Variants in CNTNAP5 observed in about 807,000 individuals in gnomAD.
The protein encoded by CNTNAP5 is contactin-associated protein-like 5.
In CNTNAP5, 72 loss-of-function variants were observed where a neutral mutation model predicts 150.2. The ratio of observed to expected loss-of-function variants is 0.48; its 90% CI spans 0.40 to 0.58. The LOEUF is 0.58. Ranked by LOEUF, CNTNAP5 falls within the 20% of genes least tolerant of loss-of-function variation. CNTNAP5 has a pLI of 0.00. For synonymous variants in CNTNAP5, 672 were observed against 619.8 expected, an observed-to-expected ratio of 1.08 and a Z score of -1.25; for missense variants, 1,636 against 1,626.2, an observed-to-expected ratio of 1.01 and a Z score of -0.10.
chr2:124,656,996 A>G (rs1678473536), intron 13 of CNTNAP5, among the ~76,000 whole-genome samples: 1 of 152,244 alleles, frequency 6.6e-6, no homozygotes, highest in Non-Finnish European at 1.5e-5. Flanking sequence ...TTAATGAGAC[A>G]GATGCCATGT....
In CNTNAP5 at chr2:124,739,896, C is replaced by T. The variant is rs368348837; in HGVS notation, c.2078-7333C>T. On this transcript the variant is annotated intron_variant, in intron 13 of 23. Coordinates refer to ENST00000682447, the MANE Select transcript of CNTNAP5 (RefSeq NM_001367498.1). Reference sequence around the variant, plus strand: ...TTTGGCACTGATCTCACTCTGACTTCCATTACTCTTAGCTGTGTGCGGGAC... The same window carrying T: ...TTTGGCACTGATCTCACTCTGACTTTCATTACTCTTAGCTGTGTGCGGGAC... 5.2e-3 allele frequency among the ~76,000 whole-genome samples: 453 copies of T among 86,970 alleles called. 3 individuals carry two copies. The highest frequency in any genetic ancestry group is 0.015 in the African/African-American group (427 of 28,726). The allele number at this position is 86,970 out of a possible 152,430, so 57.1% of individuals were successfully genotyped here.
At chr2:124,184,821 C>T (rs916756955) in intron 1 of CNTNAP5, among the ~76,000 whole-genome samples, 1 of 152,072 alleles carries the variant, frequency 6.6e-6, no homozygotes, top group Non-Finnish European at 1.5e-5. Context: ...AGCACTGGAC[C>T]TAAGATGGAA....
chr2:124,135,451 G>A (rs72978501), intron 1 of CNTNAP5, among the ~76,000 whole-genome samples: 47 of 152,100 alleles, frequency 3.1e-4, no homozygotes, highest in South Asian at 2.9e-3. Flanking sequence ...TTTCCTCTGC[G>A]TTTCTGTTAT....
intron 4 of CNTNAP5, among the ~76,000 whole-genome samples, chr2:124,431,031 G>T (rs1035184415): frequency 2.0e-5 from 3 of 152,124 alleles, no homozygotes; most frequent in Non-Finnish European, 4.4e-5. Flanking sequence ...GGAGCTCAAA[G>T]AAATCAAGAA....
intron 1 of CNTNAP5, among the ~76,000 whole-genome samples, chr2:124,029,633 C>T (rs1680989613): frequency 6.6e-6 from 1 of 152,016 alleles, no homozygotes. Context: ...AATGACTATC[C>T]TCTAAATTGC....
At chr2:124,234,337 A>C (rs1686695358) in intron 2 of CNTNAP5, among the ~76,000 whole-genome samples, 1 of 152,182 alleles carries the variant, frequency 6.6e-6, no homozygotes, top group African/African-American at 2.4e-5. Context: ...GCACTGGCCG[A>C]TAGAAAATTC....
intron 13 of CNTNAP5, among the ~76,000 whole-genome samples, chr2:124,744,029 C>G (rs564197795): frequency 1.3e-5 from 2 of 152,248 alleles, no homozygotes; most frequent in South Asian, 4.1e-4. Flanking sequence ...GTAACACACC[C>G]TTCTTCATAG....
At chr2:124,882,145 G>T (rs1336975292) in intron 21 of CNTNAP5, among the ~76,000 whole-genome samples, 7 of 152,044 alleles carry the variant, frequency 4.6e-5, no homozygotes, top group Admixed American at 2.0e-4. Context: ...CCAGGGCTTT[G>T]AATGCCAGAT....
intron 3 of CNTNAP5, among the ~76,000 whole-genome samples, chr2:124,373,005 T>TTA (rs1340800158): frequency 6.6e-6 from 1 of 152,064 alleles, no homozygotes; most frequent in African/African-American, 2.4e-5. Context: ...ATGACAAAAA[T>TTA]TATATCCTTG....
At chr2:124,075,379 G>A (rs1431529840) in intron 1 of CNTNAP5, among the ~76,000 whole-genome samples, 1 of 152,066 alleles carries the variant, frequency 6.6e-6, no homozygotes, top group African/African-American at 2.4e-5. Flanking sequence ...CCTTTCATGT[G>A]AAGTTTTTTG....
At chr2:124,599,546 G>A (rs542190199) in intron 11 of CNTNAP5, among the ~76,000 whole-genome samples, 165 of 152,242 alleles carry the variant, frequency 1.1e-3, no homozygotes, top group Non-Finnish European at 1.6e-3. Flanking sequence ...TGTTTGTCAG[G>A]TTAAGGATCA....
chr2:124,511,137 A>G (rs1278980081), intron 8 of CNTNAP5, among the ~76,000 whole-genome samples: 1 of 152,160 alleles, frequency 6.6e-6, no homozygotes, highest in African/African-American at 2.4e-5. Context: ...GTATTTTTCA[A>G]AACAACCTGA....
intron 8 of CNTNAP5, among the ~76,000 whole-genome samples, chr2:124,517,346 G>T (rs1351125340): frequency 7.3e-5 from 11 of 150,284 alleles, no homozygotes; most frequent in Admixed American, 5.3e-4. Context: ...ATGATGGAGG[G>T]TTATAGTGTT....
rs1452714370 is a variant in CNTNAP5, at chr2:124,865,582, G to A, written c.3348+146G>A. On this transcript the variant is annotated intron_variant, in intron 20 of 23. Coordinates refer to ENST00000682447, the MANE Select transcript of CNTNAP5 (RefSeq NM_001367498.1). ...CTTGCCCCCAGACTTGGAAGAACTAGGATAGTGGTTCTCAAGATGTGCTTC... is the reference window on the plus strand; with the variant it reads ...CTTGCCCCCAGACTTGGAAGAACTAAGATAGTGGTTCTCAAGATGTGCTTC... 4.2e-6 allele frequency: 3 copies of A among 719,392 alleles called. No homozygotes were observed. The African/African-American group carries it at 5.4e-5, about 13-fold the overall frequency. The allele number at this position is 719,392 out of a possible 1,614,324, so 44.6% of individuals were successfully genotyped here.
intron 3 of CNTNAP5, among the ~76,000 whole-genome samples, chr2:124,328,632 G>T (rs1177645591): frequency 6.6e-6 from 1 of 152,096 alleles, no homozygotes; most frequent in Non-Finnish European, 1.5e-5. Flanking sequence ...TCCTGCAGAG[G>T]ATAAAAAGAA....
At chr2:124,081,898 G>A (rs1437013894) in intron 1 of CNTNAP5, among the ~76,000 whole-genome samples, 1 of 152,182 alleles carries the variant, frequency 6.6e-6, no homozygotes, top group Non-Finnish European at 1.5e-5. Flanking sequence ...CAACCATGAT[G>A]ATGACATTAA....
At chr2:124,449,837 A>T (rs1171027067) in intron 6 of CNTNAP5, among the ~76,000 whole-genome samples, 4 of 152,154 alleles carry the variant, frequency 2.6e-5, no homozygotes, top group Non-Finnish European at 5.9e-5. Flanking sequence ...GACAAGAGTT[A>T]CGTGTCAAGA....
intron 10 of CNTNAP5, among the ~76,000 whole-genome samples, chr2:124,540,110 G>A (rs968151414): frequency 1.2e-4 from 18 of 152,188 alleles, no homozygotes; most frequent in African/African-American, 3.4e-4. Flanking sequence ...CTCTAAACTC[G>A]TGTGAGGTCT....
At chr2:124,206,772 C>A (rs1340509855) in intron 1 of CNTNAP5, among the ~76,000 whole-genome samples, 1 of 152,054 alleles carries the variant, frequency 6.6e-6, no homozygotes, top group African/African-American at 2.4e-5. Context: ...CCAGGGAGTA[C>A]CCTAGAAAAT....
Sources: gnomAD v4.1 joint callset for allele counts (sites outside exome capture counted in the v4.1 genomes callset) on GRCh38, gnomAD v4.1.1 for gene constraint, MANE v1.5 for transcripts, NCBI Gene and HGNC (gene_info 2026-07-23, HGNC 2026-07-21) for gene names.